Variants in MACROD2 observed in about 807,000 individuals in gnomAD.
MACROD2 encodes ADP-ribose glycohydrolase MACROD2.
Under a neutral mutation model 70.4 loss-of-function variants are expected in MACROD2, and 36 were observed. The observed-to-expected ratio is 0.51, with a 90% CI of 0.39 to 0.68. The LOEUF (loss-of-function observed/expected upper bound fraction) is 0.68, where lower values mean the gene tolerates loss of function less well. Ranked by LOEUF, MACROD2 falls within the 30% of genes least tolerant of loss-of-function variation. MACROD2 has a pLI of 0.00. For synonymous variants in MACROD2, 172 were observed against 178.8 expected (o/e 0.96, Z 0.30); for missense variants, 496 against 538.4 (o/e 0.92, Z 0.78).
intron 8 of MACROD2, among the ~76,000 whole-genome samples, chr20:15,756,158 G>A (rs1299290697): frequency 1.3e-5 from 2 of 152,084 alleles, no homozygotes; most frequent in African/African-American, 2.4e-5. Context: ...ATGACAGCCC[G>A]CCACTGGTAC....
chr20:14,372,899 C>A (rs989472489), intron 3 of MACROD2, among the ~76,000 whole-genome samples: 3 of 152,152 alleles, frequency 2.0e-5, no homozygotes, highest in African/African-American at 4.8e-5. Context: ...TCTACCATGG[C>A]TTTATAACTG....
chr20:15,468,091 A>G (rs2046918057), intron 7 of MACROD2, among the ~76,000 whole-genome samples: 1 of 152,128 alleles, frequency 6.6e-6, no homozygotes, highest in Non-Finnish European at 1.5e-5. Flanking sequence ...CTCCCACTAG[A>G]CTATAAATGT....
At chr20:15,783,901 C>T (rs983800557) in intron 8 of MACROD2, among the ~76,000 whole-genome samples, 1 of 152,134 alleles carries the variant, frequency 6.6e-6, no homozygotes, top group African/African-American at 2.4e-5. Context: ...CATGCTTTCT[C>T]TTCCCACTTC....
intron 3 of MACROD2, among the ~76,000 whole-genome samples, chr20:14,407,596 A>G (rs190656017): frequency 5.3e-5 from 8 of 152,278 alleles, no homozygotes; most frequent in South Asian, 2.1e-4. Flanking sequence ...TGTGGGAATC[A>G]TTGTTAAGGA....
intron 8 of MACROD2, among the ~76,000 whole-genome samples, chr20:15,713,989 A>G (rs1030728370): frequency 3.0e-5 from 3 of 99,020 alleles, no homozygotes; most frequent in Admixed American, 1.9e-4. Flanking sequence ...ACACATATGC[A>G]CACACACACA....
intron 5 of MACROD2, among the ~76,000 whole-genome samples, chr20:14,691,871 T>C (rs1254625042): frequency 6.6e-6 from 1 of 152,146 alleles, no homozygotes; most frequent in Non-Finnish European, 1.5e-5. Flanking sequence ...AAAATCATCT[T>C]CCTTTCTGAA....
In MACROD2 at chr20:14,386,792, G is replaced by A. The variant is rs1475972966; in HGVS notation, c.272-106687G>A. 2.0e-5 allele frequency among the ~76,000 whole-genome samples: 3 copies of A among 152,138 alleles called. 1 individual carries two copies. The highest frequency in any genetic ancestry group is 4.1e-4 in the South Asian group (2 of 4,826). On this transcript the variant is annotated intron_variant, in intron 3 of 17. Transcript: ENST00000684519. ...TTCATTATAAATTACCCAGTATCGG[G>A]TGTTTCTTTGTAGCAGTGCAAGAAC...
intron 3 of MACROD2, among the ~76,000 whole-genome samples, chr20:14,238,941 C>A (rs542234406): frequency 1.4e-5 from 2 of 147,066 alleles, no homozygotes; most frequent in Non-Finnish European, 3.0e-5. Context: ...GCAGGAGAAT[C>A]GCTTGAACCT....
chr20:15,367,655 G>A (rs1235561624), intron 6 of MACROD2, among the ~76,000 whole-genome samples: 1 of 151,840 alleles, frequency 6.6e-6, no homozygotes, highest in Non-Finnish European at 1.5e-5. Context: ...CTTCTCCTAT[G>A]AAAGCCCTGA....
At chr20:14,465,040 G>A (rs950161287) in intron 3 of MACROD2, among the ~76,000 whole-genome samples, 5 of 152,190 alleles carry the variant, frequency 3.3e-5, no homozygotes, top group Admixed American at 2.6e-4. Context: ...TTCTGTAGAT[G>A]TCTATTAGGC....
At chr20:15,741,461 G>A (rs568262162) in intron 8 of MACROD2, among the ~76,000 whole-genome samples, 3 of 152,034 alleles carry the variant, frequency 2.0e-5, no homozygotes, top group African/African-American at 7.2e-5. Flanking sequence ...TGGCCTCCTT[G>A]TCATTCCTCA....
At chr20:15,509,134 C>G (rs980428320) in intron 8 of MACROD2, among the ~76,000 whole-genome samples, 2 of 152,262 alleles carry the variant, frequency 1.3e-5, no homozygotes, top group Middle Eastern at 3.4e-3. Flanking sequence ...ATTTTACATC[C>G]TTCAGATGTG....
At chr20:15,892,613 A>G (rs2064907000) in intron 10 of MACROD2, among the ~76,000 whole-genome samples, 1 of 152,264 alleles carries the variant, frequency 6.6e-6, no homozygotes, top group African/African-American at 2.4e-5. Context: ...TCTTGGAGGA[A>G]AAAATATTAA....
At chr20:15,843,566 C>G (rs916423002) in intron 8 of MACROD2, among the ~76,000 whole-genome samples, 1 of 152,116 alleles carries the variant, frequency 6.6e-6, no homozygotes, top group Non-Finnish European at 1.5e-5. Flanking sequence ...ACCAAACTAA[C>G]TAGCTGCAAA....
intron 5 of MACROD2, among the ~76,000 whole-genome samples, chr20:14,928,789 A>T (rs1158673570): frequency 6.6e-6 from 1 of 152,212 alleles, no homozygotes; most frequent in Non-Finnish European, 1.5e-5. Flanking sequence ...CAAATTCACT[A>T]GAAGGTGTCC....
At chr20:15,957,685 A>G (rs946793706) in intron 12 of MACROD2, among the ~76,000 whole-genome samples, 1 of 152,210 alleles carries the variant, frequency 6.6e-6, no homozygotes, top group African/African-American at 2.4e-5. Flanking sequence ...CATTCTGCCC[A>G]AAGAAGGAAG....
At chr20:14,734,836 C>T (rs1395235640) in intron 5 of MACROD2, among the ~76,000 whole-genome samples, 1 of 152,078 alleles carries the variant, frequency 6.6e-6, no homozygotes, top group East Asian at 1.9e-4. Context: ...TAAATCCATG[C>T]ATCTATGGGC....
At chr20:15,349,225 G>A (rs999418992) in intron 6 of MACROD2, among the ~76,000 whole-genome samples, 1 of 152,126 alleles carries the variant, frequency 6.6e-6, no homozygotes, top group African/African-American at 2.4e-5. Context: ...CCTCAAGAGA[G>A]AACCAAAAAT....
intron 6 of MACROD2, among the ~76,000 whole-genome samples, chr20:15,386,440 C>T (rs1453006919): frequency 6.6e-6 from 1 of 152,144 alleles, no homozygotes; most frequent in Non-Finnish European, 1.5e-5. Context: ...AAGTTATCTT[C>T]CAAGGTCAAA....
Sources: allele counts gnomAD v4.1 joint callset (sites outside exome capture counted in the v4.1 genomes callset), GRCh38; gene constraint gnomAD v4.1.1; transcripts MANE v1.5; gene names NCBI Gene and HGNC (gene_info 2026-07-23, HGNC 2026-07-21).